RABGAP1L: variants seen among roughly 807,000 people sequenced by gnomAD.
The protein encoded by RABGAP1L is RAB GTPase activating protein 1 like, also known as rab GTPase-activating protein 1-like.
A neutral mutation model predicts 137.7 loss-of-function variants in RABGAP1L; 63 were observed. The observed-to-expected ratio is 0.46, with a 90% CI of 0.37 to 0.56. The LOEUF (loss-of-function observed/expected upper bound fraction) is 0.56, where lower values mean the gene tolerates loss of function less well. Ranked by LOEUF, RABGAP1L falls within the 20% of genes least tolerant of loss-of-function variation. The pLI is 0.00. For missense variants in RABGAP1L, 1,095 were observed against 1,244.0 expected (o/e 0.88, Z 1.80); for synonymous variants, 431 against 433.7 (o/e 0.99, Z 0.08).
chr1:174,622,940 C>G (rs1572567317), intron 13 of RABGAP1L, among the ~76,000 whole-genome samples: 1 of 152,116 alleles, frequency 6.6e-6, no homozygotes, highest in African/African-American at 2.4e-5. Context: ...ATTCACTTTT[C>G]TTTGAAGTTT....
At chr1:174,948,798 A>G (rs2149318319) in intron 19 of RABGAP1L, 1 of 152,326 alleles carries the variant, frequency 6.6e-6, no homozygotes, top group African/African-American at 2.4e-5. Flanking sequence ...CAGGGGAGGC[A>G]TGATGTAGTA....
At chr1:174,449,203 G>A in intron 13 of RABGAP1L, 1 of 1,554,350 alleles carries the variant, frequency 6.4e-7, no homozygotes, top group South Asian at 1.2e-5. Flanking sequence ...TTTGAAGAGA[G>A]CTACATAGTA....
At chr1:174,662,292 C>T (rs61826951) in intron 14 of RABGAP1L, among the ~76,000 whole-genome samples, 13,633 of 151,974 alleles carry the variant, frequency 0.09, 827 homozygotes, top group East Asian at 0.22. Context: ...GTAGTAGAGA[C>T]GGGGTTTCAC....
chr1:174,849,501 A>G (rs1013296938), intron 19 of RABGAP1L, among the ~76,000 whole-genome samples: 2 of 152,218 alleles, frequency 1.3e-5, no homozygotes, highest in African/African-American at 4.8e-5. Flanking sequence ...ATTAAAAGAA[A>G]ACAAAATACA....
chr1:174,533,946 A>G (rs1250619879), intron 13 of RABGAP1L, among the ~76,000 whole-genome samples: 1 of 144,764 alleles, frequency 6.9e-6, no homozygotes, highest in Admixed American at 6.7e-5. Context: ...TGCTGGGATT[A>G]CAGGCATGAG....
At chr1:174,492,787 C>G (rs72715204) in intron 13 of RABGAP1L, among the ~76,000 whole-genome samples, 32,149 of 151,934 alleles carry the variant, frequency 0.21, 3,735 homozygotes, top group Admixed American at 0.25. Flanking sequence ...TTGAATAAGT[C>G]CTACGGATTT....
chr1:174,983,930 T>C (rs1671351488), intron 24 of RABGAP1L, among the ~76,000 whole-genome samples: 1 of 152,128 alleles, frequency 6.6e-6, no homozygotes, highest in East Asian at 1.9e-4. Context: ...ACTTTTGCAC[T>C]TCTTTCTAGT....
At chr1:174,766,240 T>G (rs1685660111) in intron 18 of RABGAP1L, among the ~76,000 whole-genome samples, 2 of 152,312 alleles carry the variant, frequency 1.3e-5, no homozygotes, top group South Asian at 4.1e-4. Context: ...ATCACTGTTG[T>G]TAAGCCACCC....
intron 13 of RABGAP1L, among the ~76,000 whole-genome samples, chr1:174,478,566 C>G (rs1159833777): frequency 6.6e-6 from 1 of 152,064 alleles, no homozygotes; most frequent in Non-Finnish European, 1.5e-5. Flanking sequence ...AAACCAGGCA[C>G]CACATTCAGC....
intron 14 of RABGAP1L, among the ~76,000 whole-genome samples, chr1:174,659,086 CAT>C (rs1279804190): frequency 2.6e-5 from 4 of 152,154 alleles, no homozygotes; most frequent in Non-Finnish European, 5.9e-5. Flanking sequence ...GAAAGAAAGA[CAT>C]AGTAATTTTC....
At chr1:174,167,612 A>G (rs984985083) in intron 1 of RABGAP1L, among the ~76,000 whole-genome samples, 1 of 152,218 alleles carries the variant, frequency 6.6e-6, no homozygotes, top group Non-Finnish European at 1.5e-5. Flanking sequence ...GAATTCATTC[A>G]TATACCAGTG....
At chr1:174,384,945 T>C (rs1233244782) in intron 12 of RABGAP1L, among the ~76,000 whole-genome samples, 1 of 152,244 alleles carries the variant, frequency 6.6e-6, no homozygotes, top group Non-Finnish European at 1.5e-5. Flanking sequence ...CTCTATTAGG[T>C]TATACATAGA....
intron 18 of RABGAP1L, among the ~76,000 whole-genome samples, chr1:174,799,374 C>T (rs969696695): frequency 6.6e-6 from 1 of 152,188 alleles, no homozygotes; most frequent in Non-Finnish European, 1.5e-5. Flanking sequence ...TAATACCTCT[C>T]TTCTGTAGCG....
At chr1:174,555,484 C>T (rs1557844676) in intron 13 of RABGAP1L, among the ~76,000 whole-genome samples, 2 of 152,074 alleles carry the variant, frequency 1.3e-5, no homozygotes, top group African/African-American at 2.4e-5. Context: ...AGGATTCATT[C>T]AACAAACATT....
chr1:174,523,378 C>A (rs1489783768), intron 13 of RABGAP1L, among the ~76,000 whole-genome samples: 1 of 151,554 alleles, frequency 6.6e-6, no homozygotes, highest in Non-Finnish European at 1.5e-5. Context: ...AAAATAAAAA[C>A]AACTTGAATA....
At chr1:174,711,598 G>A (rs1437654577) in intron 17 of RABGAP1L, among the ~76,000 whole-genome samples, 2 of 152,292 alleles carry the variant, frequency 1.3e-5, no homozygotes, top group East Asian at 3.9e-4. Flanking sequence ...CCCGCACCAC[G>A]CTCGAATTCT....
At chr1:174,206,497 A>G (rs1241216368) in intron 1 of RABGAP1L, among the ~76,000 whole-genome samples, 1 of 152,206 alleles carries the variant, frequency 6.6e-6, no homozygotes, top group Non-Finnish European at 1.5e-5. Flanking sequence ...AGTTAAGAAT[A>G]GTTCCCTTTC....
chr1:174,729,027 A>C (rs1682239185), intron 17 of RABGAP1L, among the ~76,000 whole-genome samples: 1 of 152,170 alleles, frequency 6.6e-6, no homozygotes, highest in Non-Finnish European at 1.5e-5. Flanking sequence ...AAGCAATCCA[A>C]AGCAAAAAGA....
chr1:174,695,868 A>G lies in RABGAP1L; in HGVS notation c.1900-3657A>G, dbSNP rs530517962. On this transcript the variant is annotated intron_variant, in intron 15 of 25. Coordinates refer to ENST00000681986, the MANE Select transcript of RABGAP1L (RefSeq NM_001366446.1). ...CTGCAATTTTTGCAGACTCGCAGAG[A>G]TATAGCCTTGGTGGGCTTGGGTAAG... Among the ~76,000 whole-genome samples, 9 of 152,356 alleles carry G rather than the reference A, an allele frequency of 5.9e-5. No individual in the cohort carries two copies. The South Asian group carries it at 8.3e-4, about 14-fold the overall frequency.
Sources: gnomAD v4.1 joint callset for allele counts (sites outside exome capture counted in the v4.1 genomes callset) on GRCh38, gnomAD v4.1.1 for gene constraint, MANE v1.5 for transcripts, NCBI Gene and HGNC (gene_info 2026-07-23, HGNC 2026-07-21) for gene names.